The following WWP2 variants were observed in gnomAD, a reference collection of about 807,000 sequenced individuals.
The protein encoded by WWP2 is WW domain containing E3 ubiquitin protein ligase 2, also known as NEDD4-like E3 ubiquitin-protein ligase WWP2.
WWP2 carries 57 observed loss-of-function variants against 121.0 expected under a neutral mutation model. That is an observed-to-expected ratio of 0.47 (90% CI 0.38 to 0.59). WWP2 has a LOEUF of 0.59. WWP2 is among the 20% of genes least tolerant of loss of function. WWP2 has a pLI of 0.00. For missense variants in WWP2, 962 were observed against 1,158.9 expected, an observed-to-expected ratio of 0.83 and a Z score of 2.47; for synonymous variants, 449 against 441.3, an observed-to-expected ratio of 1.02 and a Z score of -0.22.
rs140261430 is a variant in WWP2, at chr16:69,798,745, C to T, written c.134C>T (p.Ala45Val). Residue 45 changes from alanine (A) to valine (V), a missense_variant, in exon 3 of 24, where the codon GCG becomes GTG. Physicochemically the swap from Ala to Val is moderately conservative, Grantham distance 64 (BLOSUM62 0). Transcript: ENST00000359154. ...QPRINSYVEV[A>V]VDGLPSETKK... ...CGAATTAACTCCTACGTGGAGGTGG[C>T]GGTGGATGGACTCCCCAGTGAGACC... 8.8e-5 allele frequency: 142 copies of T among 1,613,806 alleles called. No homozygotes were observed. The highest frequency in any genetic ancestry group is 4.2e-4 in the Admixed American group (25 of 59,964).
At chr16:69,798,480 A>ATT (rs200856879) in intron 2 of WWP2, among the ~76,000 whole-genome samples, 118 of 138,672 alleles carry the variant, frequency 8.5e-4, no homozygotes, top group Middle Eastern at 3.7e-3. Flanking sequence ...CAGGTTAGGG[A>ATT]TTTTTTTTTT....
chr16:69,868,640 G>C (rs1219745104), intron 6 of WWP2, among the ~76,000 whole-genome samples: 1 of 149,878 alleles, frequency 6.7e-6, no homozygotes, highest in African/African-American at 2.5e-5. Flanking sequence ...CAAGCTCTCT[G>C]CCCTCAACAC....
intron 6 of WWP2, among the ~76,000 whole-genome samples, chr16:69,859,521 A>T (rs1191205065): frequency 6.6e-6 from 1 of 151,944 alleles, no homozygotes; most frequent in African/African-American, 2.4e-5. Flanking sequence ...GCACCACTGC[A>T]CTCCAGCCTG....
chr16:69,805,770 A>AT (rs200042965), intron 4 of WWP2, among the ~76,000 whole-genome samples: 3 of 139,180 alleles, frequency 2.2e-5, no homozygotes, highest in Non-Finnish European at 3.1e-5. Context: ...TACTAATTTA[A>AT]TTTTTTTTCT....
At chr16:69,813,851 A>G (rs1371041352) in intron 4 of WWP2, among the ~76,000 whole-genome samples, 4 of 152,172 alleles carry the variant, frequency 2.6e-5, no homozygotes, top group Admixed American at 2.6e-4. Context: ...ATCTTTTCAC[A>G]TGTCCCCATC....
chr16:69,862,102 G>T (rs1244638734), intron 6 of WWP2, among the ~76,000 whole-genome samples: 1 of 152,194 alleles, frequency 6.6e-6, no homozygotes, highest in East Asian at 1.9e-4. Flanking sequence ...TTTCGCTCTT[G>T]TTGCCCCGGC....
At position 69,869,772 on chromosome 16, in the gene WWP2, G is replaced by T. The variant is rs556691461; in HGVS notation, c.576-2032G>T. On this transcript the variant is annotated intron_variant, in intron 6 of 23. Coordinates refer to ENST00000359154, the MANE Select transcript of WWP2 (RefSeq NM_001270454.2). ...AAAGATAATGACGGTTAAGATTTTG[G>T]TTTATGTTCATCTTGTCAAATTCTG... is the stretch of plus-strand genomic sequence containing the variant. 7.2e-5 allele frequency among the ~76,000 whole-genome samples: 11 copies of T among 152,244 alleles called. No homozygotes were observed. The East Asian group carries it at 1.5e-3, about 21-fold the overall frequency.
chr16:69,940,050 G>C lies in WWP2; in HGVS notation c.*110G>C. 2.4e-6 allele frequency: 2 copies of C among 838,158 alleles called. No individual in the cohort carries two copies. The highest frequency in any genetic ancestry group is 3.7e-6 in the Non-Finnish European group (2 of 539,442). 51.9% of individuals were successfully genotyped at this position (838,158 alleles called of 1,614,324 possible). On this transcript the variant is annotated 3_prime_UTR_variant, in exon 24 of 24. Coordinates refer to ENST00000359154, the MANE Select transcript of WWP2 (RefSeq NM_001270454.2). ...GGGAGGCCCCCGTGGATGTGGCCCT[G>C]TGTGGGACCACACTGTCATCTCGCT... is the stretch of plus-strand genomic sequence containing the variant.
At chr16:69,827,490 C>A (rs2056722610) in intron 4 of WWP2, among the ~76,000 whole-genome samples, 1 of 152,140 alleles carries the variant, frequency 6.6e-6, no homozygotes, top group Non-Finnish European at 1.5e-5. Flanking sequence ...CATAATAGGT[C>A]CCTCATCTGA....
intron 10 of WWP2, among the ~76,000 whole-genome samples, chr16:69,918,670 A>T (rs1282365179): frequency 6.6e-6 from 1 of 152,172 alleles, no homozygotes; most frequent in Non-Finnish European, 1.5e-5. Flanking sequence ...CTGAATTGCT[A>T]GAGCAGCCTC....
chr16:69,789,911 A>G (rs1387281030), intron 2 of WWP2, among the ~76,000 whole-genome samples: 1 of 152,186 alleles, frequency 6.6e-6, no homozygotes, highest in Non-Finnish European at 1.5e-5. Context: ...AAACTTTACT[A>G]ATAGCCTGCT....
At chr16:69,905,071 G>A (rs965504496) in intron 8 of WWP2, among the ~76,000 whole-genome samples, 1 of 152,172 alleles carries the variant, frequency 6.6e-6, no homozygotes. Context: ...TAAGGCAGAC[G>A]CCCAGCTGTA....
chr16:69,910,282 C>G (rs2058359882), intron 9 of WWP2: 1 of 706,276 alleles, frequency 1.4e-6, no homozygotes. Flanking sequence ...TATCAAATAC[C>G]CAGTCAATAT....
At chr16:69,781,097 A>G (rs72783176) in intron 1 of WWP2, among the ~76,000 whole-genome samples, 3,569 of 152,178 alleles carry the variant, frequency 0.023, 64 homozygotes, top group Non-Finnish European at 0.036. Flanking sequence ...TAAAGTTTGT[A>G]TACAACCCCT....
At chr16:69,800,288 T>C (rs558208509) in intron 4 of WWP2, among the ~76,000 whole-genome samples, 1 of 152,276 alleles carries the variant, frequency 6.6e-6, no homozygotes, top group East Asian at 1.9e-4. Flanking sequence ...CCTGATTGCT[T>C]TGTCTTCTGA....
chr16:69,782,153 G>A (rs947796921), intron 1 of WWP2, among the ~76,000 whole-genome samples: 2 of 152,050 alleles, frequency 1.3e-5, no homozygotes, highest in African/African-American at 2.4e-5. Flanking sequence ...CGTGTTAGCG[G>A]GTGCCTGTAA....
At chr16:69,795,730 C>T (rs1023623464) in intron 2 of WWP2, among the ~76,000 whole-genome samples, 3 of 130,724 alleles carry the variant, frequency 2.3e-5, no homozygotes, top group African/African-American at 8.8e-5. Flanking sequence ...TCACTGTAGC[C>T]TCCGCCTCCT....
chr16:69,904,840 A>G (rs1237708830), intron 8 of WWP2, among the ~76,000 whole-genome samples: 1 of 152,164 alleles, frequency 6.6e-6, no homozygotes, highest in Non-Finnish European at 1.5e-5. Flanking sequence ...GGGAGAGAAA[A>G]CATCCCTACA....
intron 1 of WWP2, among the ~76,000 whole-genome samples, chr16:69,778,558 C>T (rs2055591258): frequency 1.3e-5 from 2 of 152,072 alleles, no homozygotes; most frequent in Admixed American, 1.3e-4. Flanking sequence ...ACCTAATACG[C>T]ATTAGGAACC....
Sources: gnomAD v4.1 joint callset for allele counts (sites outside exome capture counted in the v4.1 genomes callset) on GRCh38, gnomAD v4.1.1 for gene constraint, MANE v1.5 for transcripts, NCBI Gene and HGNC (gene_info 2026-07-23, HGNC 2026-07-21) for gene names.